ELAPOR2: variants seen among roughly 807,000 people sequenced by gnomAD.
The protein encoded by ELAPOR2 is endosome-lysosome associated apoptosis and autophagy regulator family member 2, also known as endosome/lysosome-associated apoptosis and autophagy regulator family member 2.
ELAPOR2 carries 89 observed loss-of-function variants against 120.7 expected under a neutral mutation model. The ratio of observed to expected loss-of-function variants is 0.74; its 90% confidence interval spans 0.62 to 0.88. ELAPOR2 has a LOEUF of 0.88. ELAPOR2 is among the 40% of genes least tolerant of loss of function. ELAPOR2 has a pLI of 0.00. For synonymous variants in ELAPOR2, 444 were observed against 444.9 expected (o/e 1.00, Z 0.03); for missense variants, 1,134 against 1,251.6 (o/e 0.91, Z 1.42).
chr7:86,901,409 T>C (rs1788719115), intron 18 of ELAPOR2, among the ~76,000 whole-genome samples: 2 of 152,198 alleles, frequency 1.3e-5, no homozygotes, highest in Non-Finnish European at 2.9e-5. Flanking sequence ...AGTGTCTTCT[T>C]TTAAATAAAT....
At chr7:87,019,631 A>T (rs147493487) in intron 1 of ELAPOR2, among the ~76,000 whole-genome samples, 1,526 of 152,310 alleles carry the variant, frequency 0.01, 15 homozygotes, top group Non-Finnish European at 0.014. Flanking sequence ...AGTAACAGTG[A>T]TTATGAATAA....
intron 1 of ELAPOR2, among the ~76,000 whole-genome samples, chr7:87,027,518 T>C (rs1018078400): frequency 6.6e-6 from 1 of 152,224 alleles, no homozygotes; most frequent in Non-Finnish European, 1.5e-5. Flanking sequence ...TAACTCCTAG[T>C]ACCTCTGAAT....
At chr7:86,891,953 A>C (rs1051486195) in intron 20 of ELAPOR2, 64 bp from the exon 21 acceptor site, 2 of 1,079,050 alleles carry the variant, frequency 1.9e-6, no homozygotes, top group African/African-American at 3.2e-5. Flanking sequence ...ATAAATACTT[A>C]TTTTAGGTGG....
chr7:87,043,432 T>C (rs1364560121), intron 1 of ELAPOR2, among the ~76,000 whole-genome samples: 27 of 151,678 alleles, frequency 1.8e-4, no homozygotes, highest in Admixed American at 3.3e-4. Flanking sequence ...TGGGCTTCAT[T>C]CCTGGGATGC....
At chr7:86,968,801 C>T (rs1209850350) in intron 1 of ELAPOR2, among the ~76,000 whole-genome samples, 1 of 152,202 alleles carries the variant, frequency 6.6e-6, no homozygotes, top group Non-Finnish European at 1.5e-5. Flanking sequence ...ACACTCCAAA[C>T]AACAGAACAT....
chr7:86,935,517 T>C (rs758548865), intron 8 of ELAPOR2, among the ~76,000 whole-genome samples: 23 of 152,050 alleles, frequency 1.5e-4, no homozygotes, highest in Admixed American at 5.3e-4. Flanking sequence ...TGATTGACTG[T>C]TTATCTCTTC....
At chr7:87,039,800 C>G (rs544002795) in intron 1 of ELAPOR2, among the ~76,000 whole-genome samples, 374 of 152,306 alleles carry the variant, frequency 2.5e-3, no homozygotes, top group African/African-American at 8.7e-3. Context: ...CTCTGGTCTA[C>G]AGCTCCCAGC....
rs1584311238 is a variant in ELAPOR2, at chr7:86,891,823, T to C, written c.2931A>G (p.Ala977=). 3 of 1,612,250 alleles carry C rather than the reference T, an allele frequency of 1.9e-6. No homozygotes were observed. Among genetic ancestry groups the C allele is most frequent in the African/African-American group, 1.3e-5 (1 of 74,944 alleles). Reference sequence around the variant, plus strand: ...CTCCTTCCATGATAGCACAACTGTCTGCAGCCGGGAGTTCACACTCTTTTG... The same window carrying C: ...CTCCTTCCATGATAGCACAACTGTCCGCAGCCGGGAGTTCACACTCTTTTG... ...TNSKECELPA[A]DSCAIMEGED... The change falls in exon 21 of 22, where the codon GCA becomes GCG. Residue 977 remains alanine (A), a synonymous_variant. Transcript: ENST00000450689.
intron 21 of ELAPOR2, among the ~76,000 whole-genome samples, chr7:86,883,026 GTGTGT>G (rs1799491897): frequency 4.3e-5 from 5 of 114,974 alleles, no homozygotes; most frequent in African/African-American, 2.1e-4. Flanking sequence ...TGAAAGGGGT[GTGTGT>G]GTGTGTGTGT....
intron 18 of ELAPOR2, among the ~76,000 whole-genome samples, chr7:86,907,210 A>T (rs1789063196): frequency 6.6e-6 from 1 of 152,052 alleles, no homozygotes; most frequent in Admixed American, 6.6e-5. Flanking sequence ...AGAAATCGAT[A>T]ATATAAATTA....
chr7:86,984,404 C>G (rs774947505), intron 1 of ELAPOR2, among the ~76,000 whole-genome samples: 2 of 152,214 alleles, frequency 1.3e-5, no homozygotes, highest in Admixed American at 6.5e-5. Context: ...CACCACATTG[C>G]ACTTATTCCA....
At chr7:87,011,517 ACT>A (rs1240792010) in intron 1 of ELAPOR2, among the ~76,000 whole-genome samples, 1 of 152,158 alleles carries the variant, frequency 6.6e-6, no homozygotes, top group Non-Finnish European at 1.5e-5. Flanking sequence ...GATATTTATA[ACT>A]CTTTTTAATA....
intron 2 of ELAPOR2, among the ~76,000 whole-genome samples, chr7:86,961,195 C>G (rs1791692601): frequency 6.6e-6 from 1 of 152,022 alleles, no homozygotes; most frequent in African/African-American, 2.4e-5. Context: ...TAAACAAAGT[C>G]CCTAAGACTA....
intron 1 of ELAPOR2, among the ~76,000 whole-genome samples, chr7:86,968,115 G>A (rs1376599444): frequency 2.0e-5 from 3 of 152,090 alleles, no homozygotes; most frequent in African/African-American, 7.2e-5. Flanking sequence ...ATTGCGAAAG[G>A]TACGATGTAT....
chr7:86,881,933 G>A (rs1278129966), intron 21 of ELAPOR2, among the ~76,000 whole-genome samples: 3 of 152,214 alleles, frequency 2.0e-5, no homozygotes, highest in Non-Finnish European at 4.4e-5. Context: ...CTGTCAGGAA[G>A]GGTAAGTTTG....
At chr7:86,901,704 T>C (rs528768954) in intron 18 of ELAPOR2, among the ~76,000 whole-genome samples, 71 of 152,342 alleles carry the variant, frequency 4.7e-4, no homozygotes, top group Non-Finnish European at 8.8e-4. Flanking sequence ...TCCTCCAGGA[T>C]AAACTATTGT....
At chr7:86,924,182 C>A (rs986695937) in intron 10 of ELAPOR2, among the ~76,000 whole-genome samples, 1 of 152,026 alleles carries the variant, frequency 6.6e-6, no homozygotes, top group Non-Finnish European at 1.5e-5. Flanking sequence ...CAATGCCACA[C>A]ACTAATACTG....
At chr7:86,903,108 T>C (rs1184872337) in intron 18 of ELAPOR2, among the ~76,000 whole-genome samples, 2 of 152,156 alleles carry the variant, frequency 1.3e-5, no homozygotes, top group African/African-American at 2.4e-5. Flanking sequence ...CATTCCTTAG[T>C]TTTCTCTTCA....
chr7:87,014,135 T>A (rs770512829), intron 1 of ELAPOR2, among the ~76,000 whole-genome samples: 1 of 152,110 alleles, frequency 6.6e-6, no homozygotes, highest in Non-Finnish European at 1.5e-5. Context: ...AAATACATGT[T>A]AGGCAAGCTT....
Sources: allele counts gnomAD v4.1 joint callset (sites outside exome capture counted in the v4.1 genomes callset), GRCh38; gene constraint gnomAD v4.1.1; transcripts MANE v1.5; gene names NCBI Gene and HGNC (gene_info 2026-07-23, HGNC 2026-07-21).